DLG2: variants seen among roughly 807,000 people sequenced by gnomAD.
DLG2 encodes the protein discs large MAGUK scaffold protein 2.
A neutral mutation model predicts 132.5 loss-of-function variants in DLG2; 45 were observed. That is an observed-to-expected ratio of 0.34 (90% confidence interval 0.27 to 0.44). DLG2 has a LOEUF of 0.44. Among genes scored for constraint, DLG2 ranks in the 20% least tolerant of loss-of-function variants. DLG2 has a pLI of 1.00. For missense variants in DLG2, 1,045 were observed against 1,196.9 expected, an observed-to-expected ratio of 0.87 and a Z score of 1.87; for synonymous variants, 424 against 419.6, an observed-to-expected ratio of 1.01 and a Z score of -0.13.
At chr11:83,946,763 T>TA (rs144829278) in intron 14 of DLG2, among the ~76,000 whole-genome samples, 2 of 152,196 alleles carry the variant, frequency 1.3e-5, no homozygotes, top group Non-Finnish European at 2.9e-5. Flanking sequence ...ACATAATTTT[T>TA]AAAAAATTTT....
chr11:83,816,915 C>T (rs577007264), intron 17 of DLG2, among the ~76,000 whole-genome samples: 9 of 152,086 alleles, frequency 5.9e-5, no homozygotes, highest in Non-Finnish European at 1.2e-4. Context: ...AGCTGGAAAC[C>T]TTTAAATAAT....
chr11:83,464,531 C>A lies in DLG2; in HGVS notation c.2729+2177G>T, dbSNP rs151126674. ...TGGTCTGAATGTCACCATCACTGCACTTGAGACCCATGAATATGGCTGCAG... is the reference window on the plus strand; with the variant it reads ...TGGTCTGAATGTCACCATCACTGCAATTGAGACCCATGAATATGGCTGCAG... On this transcript the variant is annotated intron_variant, in intron 26 of 27. Transcript: ENST00000376104. Among the ~76,000 whole-genome samples, 291 of 152,358 alleles carry A rather than the reference C, an allele frequency of 1.9e-3. 5 individuals carry two copies. The highest frequency in any genetic ancestry group is 0.01 in the Middle Eastern group (3 of 294).
At chr11:84,518,518 GCAAA>G (rs1229641901) in intron 7 of DLG2, among the ~76,000 whole-genome samples, 2 of 151,918 alleles carry the variant, frequency 1.3e-5, no homozygotes, top group Admixed American at 1.3e-4. Context: ...AAAACAAAAA[GCAAA>G]CAAACTTCCT....
chr11:84,794,525 G>A (rs568644343), intron 6 of DLG2, among the ~76,000 whole-genome samples: 5 of 152,174 alleles, frequency 3.3e-5, no homozygotes, highest in African/African-American at 1.2e-4. Flanking sequence ...GCATCCCTGT[G>A]CTCTTGGGGG....
At chr11:85,216,937 A>G (rs1248081243) in intron 4 of DLG2, among the ~76,000 whole-genome samples, 1 of 151,642 alleles carries the variant, frequency 6.6e-6, no homozygotes, top group Non-Finnish European at 1.5e-5. Flanking sequence ...CTCATGATCT[A>G]CCCACCTAGG....
At chr11:84,484,397 T>G (rs958838085) in intron 7 of DLG2, among the ~76,000 whole-genome samples, 4 of 152,146 alleles carry the variant, frequency 2.6e-5, no homozygotes, top group Non-Finnish European at 5.9e-5. Flanking sequence ...GTTTGAGAGA[T>G]AAATCCATCT....
At chr11:84,371,802 T>A (rs565681324) in intron 7 of DLG2, among the ~76,000 whole-genome samples, 26 of 152,310 alleles carry the variant, frequency 1.7e-4, no homozygotes, top group African/African-American at 4.1e-4. Context: ...TTTAAATTTC[T>A]ATGAGAAAAT....
intron 4 of DLG2, among the ~76,000 whole-genome samples, chr11:85,247,838 A>G (rs1473730529): frequency 6.6e-6 from 1 of 152,070 alleles, no homozygotes; most frequent in Non-Finnish European, 1.5e-5. Flanking sequence ...ATTATATTAG[A>G]TACTTCTGTT....
At chr11:84,277,658 C>T (rs558005144) in intron 7 of DLG2, among the ~76,000 whole-genome samples, 2 of 151,132 alleles carry the variant, frequency 1.3e-5, no homozygotes, top group East Asian at 1.9e-4. Context: ...CCATCTTTCA[C>T]GAGAAAAAAA....
chr11:84,206,803 A>G (rs185917705), intron 8 of DLG2, among the ~76,000 whole-genome samples: 37 of 152,094 alleles, frequency 2.4e-4, no homozygotes, highest in Non-Finnish European at 5.0e-4. Flanking sequence ...TTTGGGGAAT[A>G]ATGCATAAAA....
At chr11:83,587,928 T>G (rs1182267183) in intron 19 of DLG2, among the ~76,000 whole-genome samples, 1 of 152,188 alleles carries the variant, frequency 6.6e-6, no homozygotes, top group Non-Finnish European at 1.5e-5. Context: ...ACTGAGCTTT[T>G]CCCATGGGCT....
At chr11:84,375,222 TA>T (rs559210248) in intron 7 of DLG2, among the ~76,000 whole-genome samples, 25 of 152,194 alleles carry the variant, frequency 1.6e-4, no homozygotes, top group Non-Finnish European at 2.9e-4. Flanking sequence ...CTGAGTTCTT[TA>T]AAAGAAGGGT....
At chr11:85,189,242 C>T (rs928581668) in intron 4 of DLG2, among the ~76,000 whole-genome samples, 6 of 152,126 alleles carry the variant, frequency 3.9e-5, no homozygotes, top group East Asian at 1.9e-4. Context: ...AAAACCTCCT[C>T]GGGAAAATTA....
chr11:85,445,284 T>G (rs1424561516), intron 3 of DLG2, among the ~76,000 whole-genome samples: 1 of 152,136 alleles, frequency 6.6e-6, no homozygotes, highest in Non-Finnish European at 1.5e-5. Flanking sequence ...TCCAGACATG[T>G]TTTTGAGAGG....
Position 85,202,335 on chromosome 11 carries a change from G to A in DLG2, c.187-47684C>T, listed in dbSNP as rs75312590. On this transcript the variant is annotated intron_variant, in intron 4 of 27. Coordinates refer to ENST00000376104, the MANE Select transcript of DLG2 (RefSeq NM_001142699.3). ...GACAATAAAATCAAATAACATACAAGGCAGATTCAAATATATAAAATAGCC... is the reference window on the plus strand; with the variant it reads ...GACAATAAAATCAAATAACATACAAAGCAGATTCAAATATATAAAATAGCC... Among the ~76,000 whole-genome samples the A allele has an allele frequency of 9.5e-3, 1,451 of 152,072 alleles. 20 individuals carry two copies. The highest frequency in any genetic ancestry group is 0.032 in the African/African-American group (1,313 of 41,494).
At chr11:85,103,198 C>G (rs1167597618) in intron 6 of DLG2, among the ~76,000 whole-genome samples, 1 of 151,918 alleles carries the variant, frequency 6.6e-6, no homozygotes, top group Admixed American at 6.6e-5. Flanking sequence ...AATTGATGTA[C>G]AGAGTCAATG....
At chr11:84,519,701 CAA>C (rs1164698402) in intron 7 of DLG2, among the ~76,000 whole-genome samples, 6 of 152,090 alleles carry the variant, frequency 3.9e-5, no homozygotes, top group Admixed American at 6.5e-5. Flanking sequence ...CCAAAATTTA[CAA>C]AAGATTTATT....
intron 6 of DLG2, among the ~76,000 whole-genome samples, chr11:85,041,577 G>C (rs1191291196): frequency 6.6e-6 from 1 of 151,880 alleles, no homozygotes; most frequent in Non-Finnish European, 1.5e-5. Context: ...CTTCCACATA[G>C]AAAATGTTTT....
At chr11:85,436,175 A>G (rs746143298) in intron 3 of DLG2, among the ~76,000 whole-genome samples, 3 of 152,344 alleles carry the variant, frequency 2.0e-5, no homozygotes, top group Middle Eastern at 3.4e-3. Flanking sequence ...TGGATTAAAG[A>G]CTTAAATCTG....
Sources: gnomAD v4.1 joint callset for allele counts (sites outside exome capture counted in the v4.1 genomes callset) on GRCh38, gnomAD v4.1.1 for gene constraint, MANE v1.5 for transcripts, NCBI Gene and HGNC (gene_info 2026-07-23, HGNC 2026-07-21) for gene names.